The following WDR49 variants were observed in gnomAD, a reference collection of about 807,000 sequenced individuals.
WDR49 encodes cilia- and flagella-associated protein 337.
Under a neutral mutation model 119.5 loss-of-function variants are expected in WDR49, and 107 were observed. The observed-to-expected ratio is 0.90, with a 90% CI of 0.77 to 1.05. The LOEUF (loss-of-function observed/expected upper bound fraction) is 1.05, where lower values mean the gene tolerates loss of function less well. Ranked by LOEUF, WDR49 falls within the 50% of genes least tolerant of loss-of-function variation. WDR49 has a pLI of 0.00. For missense variants in WDR49, 1,240 were observed against 1,220.5 expected (o/e 1.02, Z -0.24); for synonymous variants, 425 against 418.8 (o/e 1.01, Z -0.18).
chr3:167,511,995 G>T (rs565534175), intron 16 of WDR49, among the ~76,000 whole-genome samples: 7 of 152,192 alleles, frequency 4.6e-5, no homozygotes, highest in Non-Finnish European at 1.0e-4. Context: ...AGTGGCCATG[G>T]TCTCTGGTTC....
rs772423379 is a variant in WDR49 at position 167,529,289 on chromosome 3, G to A, written c.2219-50C>T. 2.0e-6 allele frequency: 3 copies of A among 1,482,984 alleles called. No individual in the cohort carries two copies. The Admixed American group carries it at 7.2e-5, about 36-fold the overall frequency. The allele number at this position is 1,482,984 out of a possible 1,614,324, so 91.9% of individuals were successfully genotyped here. A position where few individuals can be genotyped will look rare whatever the true frequency, so the allele number is the denominator to read the frequency against. ...CTAGAAAACTGAACAACAAATGCCA[G>A]AAATAACTTCTTCAGTGGCTTTCCC... On this transcript the variant is annotated intron_variant, in intron 13 of 18. Coordinates refer to ENST00000682715, the MANE Select transcript of WDR49 (RefSeq NM_001366157.1).
intron 6 of WDR49, 85 bp downstream of exon 6, chr3:167,604,216 A>G: frequency 6.7e-7 from 1 of 1,482,548 alleles, no homozygotes; most frequent in Non-Finnish European, 9.1e-7. Context: ...ATACAGCAAC[A>G]AGGTAGCAAA....
chr3:167,649,661 G>C (rs1273379628), intron 2 of WDR49, among the ~76,000 whole-genome samples: 3 of 152,168 alleles, frequency 2.0e-5, no homozygotes, highest in Admixed American at 6.5e-5. Flanking sequence ...AGACAGATTT[G>C]TTTTAAGAAT....
intron 2 of WDR49, chr3:167,633,541 G>T (rs746031012): frequency 1.3e-5 from 6 of 447,122 alleles, no homozygotes; most frequent in South Asian, 9.6e-5. Context: ...TCCTGGACTT[G>T]GCAGAAAGTA....
intron 18 of WDR49, among the ~76,000 whole-genome samples, chr3:167,486,826 G>T (rs550777667): frequency 6.6e-6 from 1 of 152,000 alleles, no homozygotes; most frequent in Admixed American, 6.6e-5. Flanking sequence ...GATCTTCAAG[G>T]CAGAAAACTA....
intron 16 of WDR49, among the ~76,000 whole-genome samples, chr3:167,513,457 G>A (rs1000141713): frequency 2.0e-5 from 3 of 152,092 alleles, no homozygotes; most frequent in African/African-American, 4.8e-5. Flanking sequence ...GCTCCTGAAG[G>A]AAGCACTGAA....
intron 5 of WDR49, among the ~76,000 whole-genome samples, chr3:167,619,208 T>C (rs568175600): frequency 1.6e-3 from 237 of 152,272 alleles, no homozygotes; most frequent in African/African-American, 5.3e-3. Flanking sequence ...AATCTAGTCT[T>C]TGGCATATGT....
At position 167,535,341 on chromosome 3, in the gene WDR49, T is replaced by C. The variant is rs1284034976; in HGVS notation, c.1954+1529A>G. On this transcript the variant is annotated intron_variant, in intron 11 of 18. Transcript: ENST00000682715. The stretch of plus-strand genomic sequence containing the variant: ...GGAGAAGATAGTTGCAAACTTTACA[T>C]CTGATAGTATAAGGGGTTAATATCC... Among the ~76,000 whole-genome samples the C allele has an allele frequency of 3.3e-5, 5 of 152,116 alleles. No homozygotes were observed. In the East Asian group the frequency reaches 9.6e-4, roughly 29 times the overall value.
intron 18 of WDR49, among the ~76,000 whole-genome samples, chr3:167,486,815 A>C (rs1750939389): frequency 6.6e-6 from 1 of 152,106 alleles, no homozygotes; most frequent in Admixed American, 6.6e-5. Context: ...AACATTAAAC[A>C]GATCTTCAAG....
intron 10 of WDR49, among the ~76,000 whole-genome samples, chr3:167,545,509 T>A (rs1577230135): frequency 9.2e-6 from 1 of 108,298 alleles, no homozygotes; most frequent in Non-Finnish European, 2.1e-5. Context: ...ATATTATATA[T>A]TATATATATA....
intron 7 of WDR49, among the ~76,000 whole-genome samples, chr3:167,579,772 T>C (rs1023476091): frequency 1.3e-5 from 2 of 152,178 alleles, no homozygotes; most frequent in African/African-American, 2.4e-5. Context: ...AGCTTTTATT[T>C]TGAATGTTAC....
At chr3:167,498,727 T>C (rs1351839127) in intron 18 of WDR49, among the ~76,000 whole-genome samples, 2 of 152,228 alleles carry the variant, frequency 1.3e-5, no homozygotes, top group East Asian at 3.9e-4. Flanking sequence ...ACTTTTAATT[T>C]CTCCTCTGAT....
At chr3:167,580,022 T>C (rs1714453900) in intron 7 of WDR49, among the ~76,000 whole-genome samples, 1 of 152,160 alleles carries the variant, frequency 6.6e-6, no homozygotes, top group Non-Finnish European at 1.5e-5. Context: ...GTAATTTATA[T>C]TGGATTTGAT....
chr3:167,523,120 G>T (rs538706794), intron 15 of WDR49, among the ~76,000 whole-genome samples: 1 of 152,076 alleles, frequency 6.6e-6, no homozygotes, highest in Non-Finnish European at 1.5e-5. Flanking sequence ...GAGGGGAACC[G>T]TAGGCATCCT....
At chr3:167,645,930 A>G (rs1017701209) in intron 2 of WDR49, among the ~76,000 whole-genome samples, 1 of 152,236 alleles carries the variant, frequency 6.6e-6, no homozygotes, top group Non-Finnish European at 1.5e-5. Context: ...GGGTCATTGT[A>G]GGGCGCTAAT....
intron 2 of WDR49, among the ~76,000 whole-genome samples, chr3:167,644,001 T>C (rs1410732943): frequency 6.6e-6 from 1 of 151,012 alleles, no homozygotes; most frequent in African/African-American, 2.4e-5. Context: ...TGTTGGACAA[T>C]GTTCTGGCTC....
intron 2 of WDR49, among the ~76,000 whole-genome samples, chr3:167,642,236 A>G (rs2108341163): frequency 6.6e-6 from 1 of 152,056 alleles, no homozygotes; most frequent in Admixed American, 6.6e-5. Context: ...AGTAAGAGAA[A>G]TTAATTTTAA....
intron 10 of WDR49, among the ~76,000 whole-genome samples, chr3:167,544,973 C>T (rs77177141): frequency 9.6e-4 from 145 of 151,814 alleles, no homozygotes; most frequent in African/African-American, 3.2e-3. Flanking sequence ...CCAGAATCTA[C>T]AAGAACTCAA....
intron 17 of WDR49, among the ~76,000 whole-genome samples, chr3:167,500,976 C>T (rs1375182278): frequency 2.6e-5 from 4 of 152,124 alleles, no homozygotes; most frequent in South Asian, 2.1e-4. Flanking sequence ...GAAACTAATC[C>T]GTATTCAGCA....
Sources: allele counts gnomAD v4.1 joint callset (sites outside exome capture counted in the v4.1 genomes callset), GRCh38; gene constraint gnomAD v4.1.1; transcripts MANE v1.5; gene names NCBI Gene and HGNC (gene_info 2026-07-23, HGNC 2026-07-21).